The following WDR76 variants were observed in gnomAD, a reference collection of about 807,000 sequenced individuals.
WDR76 encodes the protein WD repeat domain 76.
In WDR76, 52 loss-of-function variants were observed where a neutral mutation model predicts 70.2. That is an observed-to-expected ratio of 0.74 (90% confidence interval 0.59 to 0.93). The LOEUF (loss-of-function observed/expected upper bound fraction) is 0.93, where lower values mean the gene tolerates loss of function less well. Among genes scored for constraint, WDR76 ranks in the 40% least tolerant of loss-of-function variants. The pLI, the probability that WDR76 is intolerant of heterozygous loss-of-function variation, is 0.00. For missense variants in WDR76, 756 were observed against 760.2 expected, an observed-to-expected ratio of 0.99 and a Z score of 0.07; for synonymous variants, 292 against 271.1, an observed-to-expected ratio of 1.08 and a Z score of -0.76.
chr15:43,842,276 T>G, intron 5 of WDR76, 139 bp from the exon 6 acceptor site: 1 of 658,694 alleles, frequency 1.5e-6, no homozygotes, highest in Non-Finnish European at 2.6e-6. Flanking sequence ...ACAATTATTT[T>G]GAATGTCCAT....
intron 2 of WDR76, among the ~76,000 whole-genome samples, chr15:43,832,350 C>T (rs1016590651): frequency 2.0e-5 from 3 of 151,802 alleles, no homozygotes; most frequent in Non-Finnish European, 4.4e-5. Flanking sequence ...AGCCAATGCA[C>T]TTCAGCCTGG....
chr15:43,842,599 T>G lies in WDR76; in HGVS notation c.835-29T>G, dbSNP rs1276204351. 3.1e-6 allele frequency: 5 copies of G among 1,605,114 alleles called. 1 individual carries two copies. In the Admixed American group the frequency reaches 8.4e-5, roughly 27 times the overall value. On this transcript the variant is annotated intron_variant, in intron 6 of 12. Coordinates refer to ENST00000263795, the MANE Select transcript of WDR76 (RefSeq NM_024908.4). ...ATGTAAAAATATATACATACTAACT[T>G]AGTTCTTTCATCTCTCCCAATGTTT...
intron 12 of WDR76, among the ~76,000 whole-genome samples, chr15:43,863,040 A>AT (rs1186603514): frequency 2.0e-5 from 3 of 152,040 alleles, no homozygotes; most frequent in African/African-American, 7.2e-5. Flanking sequence ...GGTTCAGGCG[A>AT]TTCTCCTGCC....
intron 8 of WDR76, among the ~76,000 whole-genome samples, chr15:43,847,350 T>C (rs2087801438): frequency 6.6e-6 from 1 of 152,066 alleles, no homozygotes; most frequent in South Asian, 2.1e-4. Context: ...AATCTCTGCC[T>C]CCTGGGTTCA....
chr15:43,831,847 T>G (rs1324588341), intron 2 of WDR76, among the ~76,000 whole-genome samples: 1 of 152,142 alleles, frequency 6.6e-6, no homozygotes, highest in Non-Finnish European at 1.5e-5. Flanking sequence ...TTTTGTTTTT[T>G]TTTTTGAGAC....
intron 12 of WDR76, among the ~76,000 whole-genome samples, chr15:43,861,975 T>C (rs2088003160): frequency 6.6e-6 from 1 of 152,020 alleles, no homozygotes; most frequent in African/African-American, 2.4e-5. Context: ...TAGCTGGGAT[T>C]ACAGGCATGC....
intron 2 of WDR76, 92 bp from the exon 3 acceptor site, chr15:43,834,966 AAGT>A: frequency 1.0e-6 from 1 of 996,396 alleles, no homozygotes; most frequent in Admixed American, 2.1e-5. Flanking sequence ...ATTTGAAGTA[AAGT>A]ATTCATGTAG....
chr15:43,828,941 C>T (rs1410384155), intron 2 of WDR76, among the ~76,000 whole-genome samples: 1 of 149,294 alleles, frequency 6.7e-6, no homozygotes, highest in Non-Finnish European at 1.5e-5. Flanking sequence ...CTCGCTCTGT[C>T]GCCCAGGCCA....
At chr15:43,841,426 C>A (rs775835123) in intron 5 of WDR76, among the ~76,000 whole-genome samples, 24 of 151,884 alleles carry the variant, frequency 1.6e-4, no homozygotes, top group Non-Finnish European at 2.8e-4. Context: ...CTCAATCTGA[C>A]CTCATGATCT....
At position 43,828,332 on chromosome 15, in the gene WDR76, A is replaced by G. The variant is rs759471078; in HGVS notation, c.428A>G (p.Asp143Gly). 6.2e-7 allele frequency: 1 copy of G among 1,613,644 alleles called. No homozygotes were observed. The highest frequency in any genetic ancestry group is 8.5e-7 in the Non-Finnish European group (1 of 1,179,968). The change falls in exon 2 of 13, where the codon GAT becomes GGT. Residue 143 changes from aspartate to glycine, a missense_variant. Asp to Gly is a moderately conservative substitution (Grantham distance 94). Coordinates refer to ENST00000263795, the MANE Select transcript of WDR76 (RefSeq NM_024908.4). ...AGTGTTGATGTGGAAAGTAGTCAGG[A>G]TGGAGACAGTGATGAAGATACCACA... ...NLSVDVESSQDGDSDEDTTPS... is the reference protein window; with the variant it reads ...NLSVDVESSQGGDSDEDTTPS...
At chr15:43,827,115 C>G in intron 1 of WDR76, 23 bp downstream of exon 1, 1 of 1,613,934 alleles carries the variant, frequency 6.2e-7, no homozygotes, top group Non-Finnish European at 8.5e-7. Flanking sequence ...CTGGTGCTTC[C>G]AAGGTGTGCT....
chr15:43,861,194 C>T (rs1028241273), intron 11 of WDR76, 139 bp from the exon 12 acceptor site: 34 of 754,550 alleles, frequency 4.5e-5, no homozygotes, highest in African/African-American at 3.5e-4. Context: ...CCTCTAAACC[C>T]GGCCTGATCC....
chr15:43,851,620 C>G (rs1288612244), intron 9 of WDR76, among the ~76,000 whole-genome samples: 1 of 152,012 alleles, frequency 6.6e-6, no homozygotes, highest in East Asian at 1.9e-4. Context: ...AAATAACTTA[C>G]TCTTCTGTTT....
chr15:43,841,451 C>T (rs2087724832), intron 5 of WDR76, among the ~76,000 whole-genome samples: 3 of 152,044 alleles, frequency 2.0e-5, no homozygotes, highest in African/African-American at 7.2e-5. Flanking sequence ...GCCTCGGCCT[C>T]CCAAAATGCT....
In WDR76 at chr15:43,835,129, T is replaced by A. The variant is rs761456607; in HGVS notation, c.531T>A (p.Phe177Leu). The A allele has an allele frequency of 3.1e-6, 5 of 1,614,146 alleles. 1 individual carries two copies. In the South Asian group the frequency reaches 5.5e-5, roughly 18 times the overall value. Residue 177 changes from phenylalanine (F) to leucine (L), a missense_variant, in exon 3 of 13, where the codon TTT becomes TTA. Transcript: ENST00000263795. ...ACATATCAGAAAACGCAGACTTTTT[T>A]GCTTCTCTTCAGTTGTCTGAGGTTT... is the stretch of plus-strand genomic sequence containing the variant. Reference protein sequence around the residue: ...LKNISENADFFASLQLSESAA... With the variant: ...LKNISENADFLASLQLSESAA...
At position 43,856,863 on chromosome 15, in the gene WDR76, T is replaced by C. The variant is rs150990567; in HGVS notation, c.1192-83T>C. 2.1e-4 allele frequency: 258 copies of C among 1,221,700 alleles called. 1 individual carries two copies. The African/African-American group carries it at 3.6e-3, about 17-fold the overall frequency. 75.7% of individuals were successfully genotyped at this position (1,221,700 alleles called of 1,614,324 possible). ...GAGGTTATTTGGGTAAAGTGTTTTA[T>C]AACCCTTTTACCAAAGAATTTATGC... On this transcript the variant is annotated intron_variant, in intron 9 of 12. Coordinates refer to ENST00000263795, the MANE Select transcript of WDR76 (RefSeq NM_024908.4).
At chr15:43,850,899 G>GA (rs751974952) in intron 8 of WDR76, among the ~76,000 whole-genome samples, 188 bp from the exon 9 acceptor site, 71 of 152,154 alleles carry the variant, frequency 4.7e-4, no homozygotes, top group Non-Finnish European at 7.9e-4. Context: ...TTGAAAACTA[G>GA]AAAAAAGTTA....
rs1328534453 is a variant in WDR76 at position 43,839,738 on chromosome 15, T to A, written c.732+10T>A. On this transcript the variant is annotated intron_variant, in intron 5 of 12. Transcript: ENST00000263795. Reference sequence around the variant, plus strand: ...AGTAGCAGATGAAACTGTAAGGAAATGTGCAAATATAATATTTTAATGTAA... The same window carrying A: ...AGTAGCAGATGAAACTGTAAGGAAAAGTGCAAATATAATATTTTAATGTAA... The A allele has an allele frequency of 1.9e-6, 3 of 1,587,934 alleles. No individual in the cohort carries two copies. The East Asian group carries it at 6.8e-5, about 36-fold the overall frequency.
At chr15:43,851,297 C>A in intron 9 of WDR76, 52 bp downstream of exon 9, 1 of 1,586,362 alleles carries the variant, frequency 6.3e-7, no homozygotes, top group Non-Finnish European at 8.6e-7. Context: ...CTAGATTCTT[C>A]GAAATGCCAC....
Sources: allele counts gnomAD v4.1 joint callset (sites outside exome capture counted in the v4.1 genomes callset), GRCh38; gene constraint gnomAD v4.1.1; transcripts MANE v1.5; gene names NCBI Gene and HGNC (gene_info 2026-07-23, HGNC 2026-07-21).